The following GOLM1 variants were observed in gnomAD, a reference collection of about 807,000 sequenced individuals.
GOLM1 encodes the protein epididymis luminal protein 46.
A neutral mutation model predicts 50.5 loss-of-function variants in GOLM1; 31 were observed. That is an observed-to-expected ratio of 0.61 (90% CI 0.46 to 0.83). The LOEUF (loss-of-function observed/expected upper bound fraction) is 0.83, where lower values mean the gene tolerates loss of function less well. Ranked by LOEUF, GOLM1 falls within the 40% of genes least tolerant of loss-of-function variation. GOLM1 has a pLI of 0.00. For missense variants in GOLM1, 491 were observed against 501.3 expected, an observed-to-expected ratio of 0.98 and a Z score of 0.20; for synonymous variants, 178 against 192.8, an observed-to-expected ratio of 0.92 and a Z score of 0.64.
intron 1 of GOLM1, among the ~76,000 whole-genome samples, chr9:86,088,420 G>GTACATATATATATATATATATATA (rs1554675516): frequency 3.5e-5 from 3 of 86,300 alleles, no homozygotes; most frequent in Non-Finnish European, 6.2e-5. Flanking sequence ...TTTGAAGGGT[G>GTACATATATATATATATATATATA]TATATATATA....
At chr9:86,070,834 A>C (rs890436133) in intron 3 of GOLM1, among the ~76,000 whole-genome samples, 2 of 152,154 alleles carry the variant, frequency 1.3e-5, no homozygotes, top group African/African-American at 4.8e-5. Flanking sequence ...AAAAGAGTGA[A>C]ATATTACACA....
chr9:86,036,793 G>A (rs1056445230), intron 6 of GOLM1: 8 of 392,314 alleles, frequency 2.0e-5, no homozygotes, highest in Admixed American at 1.8e-4. Flanking sequence ...ATACCTAGGC[G>A]GAAGATCAAC....
At chr9:86,066,314 A>C (rs1834306833) in intron 3 of GOLM1, among the ~76,000 whole-genome samples, 1 of 152,188 alleles carries the variant, frequency 6.6e-6, no homozygotes, top group African/African-American at 2.4e-5. Context: ...CAAGAGGAGA[A>C]ACCGGGCAGC....
In GOLM1 at chr9:86,061,139, G is replaced by A. The variant is rs550398885; in HGVS notation, c.310-8548C>T. 7.9e-5 allele frequency among the ~76,000 whole-genome samples: 12 copies of A among 152,174 alleles called. No individual in the cohort carries two copies. In the South Asian group the frequency reaches 2.5e-3, roughly 32 times the overall value. ...GTGTGGGGGCTCACTGGGTCACTCT[G>A]TCTACCTTTTCATGTTTACGGTTTT... On this transcript the variant is annotated intron_variant, in intron 3 of 9. Coordinates refer to ENST00000388712, the MANE Select transcript of GOLM1 (RefSeq NM_016548.4).
At chr9:86,060,877 A>T (rs866907156) in intron 3 of GOLM1, among the ~76,000 whole-genome samples, 7 of 37,964 alleles carry the variant, frequency 1.8e-4, no homozygotes, top group African/African-American at 7.1e-4. Flanking sequence ...AAACTCTCTC[A>T]AAAAAAAAAA....
Position 86,065,619 on chromosome 9 carries a change from G to A in GOLM1, c.309+11793C>T, listed in dbSNP as rs143757763. Among the ~76,000 whole-genome samples the A allele has an allele frequency of 3.4e-3, 520 of 152,262 alleles. 1 individual carries two copies. The highest frequency in any genetic ancestry group is 0.011 in the African/African-American group (475 of 41,554). ...GTGACGAGCAGACCTGGCAGCCCCC[G>A]GCAGCCCCACGCCGGCCACTCTCAG... On this transcript the variant is annotated intron_variant, in intron 3 of 9. Coordinates refer to ENST00000388712, the MANE Select transcript of GOLM1 (RefSeq NM_016548.4).
intron 6 of GOLM1, among the ~76,000 whole-genome samples, chr9:86,039,327 C>G (rs1833253472): frequency 6.6e-6 from 1 of 152,170 alleles, no homozygotes; most frequent in Non-Finnish European, 1.5e-5. Context: ...TGTGAAGAAA[C>G]TGGAGCCCTC....
At chr9:86,035,876 AAC>A (rs1197040633) in intron 7 of GOLM1, among the ~76,000 whole-genome samples, 1 of 127,732 alleles carries the variant, frequency 7.8e-6, no homozygotes, top group Non-Finnish European at 1.7e-5. Context: ...CAAAAAAAAA[AAC>A]AAAACAAAAA....
chr9:86,081,895 A>T (rs991884695), intron 1 of GOLM1, among the ~76,000 whole-genome samples: 19 of 151,570 alleles, frequency 1.3e-4, no homozygotes, highest in Non-Finnish European at 2.2e-4. Flanking sequence ...ATTAAAAAAA[A>T]AAAAGAAAAA....
chr9:86,038,658 CA>C (rs1833231803), intron 6 of GOLM1, among the ~76,000 whole-genome samples: 1 of 152,148 alleles, frequency 6.6e-6, no homozygotes, highest in Non-Finnish European at 1.5e-5. Context: ...TGATTTCTGA[CA>C]AAGGTGCCAA....
At chr9:86,027,943 A>G (rs778697885) in intron 9 of GOLM1, 50 bp from the exon 10 acceptor site, 1 of 1,088,074 alleles carries the variant, frequency 9.2e-7, no homozygotes, top group East Asian at 2.5e-5. Flanking sequence ...ATGAGATACT[A>G]GCCCTAGGCA....
At chr9:86,082,195 A>AT (rs1343263158) in intron 1 of GOLM1, among the ~76,000 whole-genome samples, 2 of 150,886 alleles carry the variant, frequency 1.3e-5, no homozygotes, top group African/African-American at 4.9e-5. Context: ...CACCTGGCTA[A>AT]TTTTTTGTAG....
chr9:86,098,835 C>A (rs1835433201), intron 1 of GOLM1, among the ~76,000 whole-genome samples: 1 of 152,220 alleles, frequency 6.6e-6, no homozygotes. Context: ...CAGCCGCGCT[C>A]TGGACGCGCG....
intron 3 of GOLM1, among the ~76,000 whole-genome samples, chr9:86,053,457 C>T (rs2118739249): frequency 7.2e-6 from 1 of 139,266 alleles, no homozygotes; most frequent in African/African-American, 2.6e-5. Flanking sequence ...TACCAAACCA[C>T]ATCACACCAC....
chr9:86,077,827 C>T (rs191824410), intron 2 of GOLM1: 291 of 487,010 alleles, frequency 6.0e-4, no homozygotes, highest in Non-Finnish European at 6.7e-4. Flanking sequence ...ACCACACTTC[C>T]CACTGGGTTT....
chr9:86,077,491 T>C lies in GOLM1; in HGVS notation c.230A>G (p.Gln77Arg), dbSNP rs1339437291. ...KNEFQGELEK[Q>R]REQLDKIQSS... ...CTGGATTTTGTCAAGCTGCTCCCGCTGCTTCTCCAGCTCTCCCTGGAACTC... is the reference window on the plus strand; with the variant it reads ...CTGGATTTTGTCAAGCTGCTCCCGCCGCTTCTCCAGCTCTCCCTGGAACTC... The change falls in exon 3 of 10, where the codon CAG (glutamine) becomes CGG (arginine). Residue 77 changes from glutamine (Q) to arginine (R), a missense_variant. By Grantham distance (43) the Gln-to-Arg change is conservative. Transcript: ENST00000388712. 1.1e-5 allele frequency: 17 copies of C among 1,613,498 alleles called. No individual in the cohort carries two copies. Among genetic ancestry groups the C allele is most frequent in the Non-Finnish European group, 1.4e-5 (16 of 1,179,346 alleles).
At chr9:86,046,869 T>C (rs974685023) in intron 4 of GOLM1, among the ~76,000 whole-genome samples, 1 of 152,188 alleles carries the variant, frequency 6.6e-6, no homozygotes. Context: ...TATTGGAAGC[T>C]TCTGTGTGCC....
At chr9:86,070,309 CAT>C (rs939898884) in intron 3 of GOLM1, among the ~76,000 whole-genome samples, 8 of 152,182 alleles carry the variant, frequency 5.3e-5, no homozygotes, top group Non-Finnish European at 7.3e-5. Context: ...CACAGTGGGT[CAT>C]GCCTCTAATC....
rs143360144 is a variant in GOLM1 at position 86,087,070 on chromosome 9, C to A, written c.-21-7729G>T. ...TATGGCCATTTTCACGATATTGATT[C>A]TTCCGATCCATGAGCATGGAATGTT... is the stretch of plus-strand genomic sequence containing the variant. On this transcript the variant is annotated intron_variant, in intron 1 of 9. Coordinates refer to ENST00000388712, the MANE Select transcript of GOLM1 (RefSeq NM_016548.4). Among the ~76,000 whole-genome samples the A allele has an allele frequency of 4.1e-3, 618 of 152,296 alleles. 3 individuals are homozygous for A. The highest frequency in any genetic ancestry group is 0.012 in the African/African-American group (511 of 41,550).
Sources: allele counts gnomAD v4.1 joint callset (sites outside exome capture counted in the v4.1 genomes callset), GRCh38; gene constraint gnomAD v4.1.1; transcripts MANE v1.5; gene names NCBI Gene and HGNC (gene_info 2026-07-23, HGNC 2026-07-21).